Variants in GRM5 observed in about 807,000 individuals in gnomAD.
GRM5 encodes the protein metabotropic glutamate receptor 5.
In GRM5, 19 loss-of-function variants were observed where a neutral mutation model predicts 83.1. The observed-to-expected ratio is 0.23, with a 90% CI of 0.16 to 0.34. The LOEUF (loss-of-function observed/expected upper bound fraction) is 0.34. Among genes scored for constraint, GRM5 ranks in the 10% least tolerant of loss-of-function variants. GRM5 has a pLI of 1.00. For missense variants in GRM5, 1,160 were observed against 1,588.3 expected (o/e 0.73, Z 4.58); for synonymous variants, 675 against 633.6 (o/e 1.07, Z -0.98).
intron 8 of GRM5, among the ~76,000 whole-genome samples, chr11:88,527,704 C>T (rs189867210): frequency 1.9e-4 from 29 of 152,058 alleles, no homozygotes; most frequent in Middle Eastern, 3.4e-3. Flanking sequence ...TGCCCATCAA[C>T]GGTAAAATGG....
Position 88,604,808 on chromosome 11 carries a change from C to T in GRM5, c.1304G>A (p.Arg435Gln), listed in dbSNP as rs200410516. 1.4e-5 allele frequency: 22 copies of T among 1,613,274 alleles called. No homozygotes were observed. The highest frequency in any genetic ancestry group is 6.7e-5 in the East Asian group (3 of 44,864). Reference sequence around the variant, plus strand: ...TTTCATCAGGGACTCCAAAAGTTTCCGTCCATCAATTGGCTTCATGGCATC... The same window carrying T: ...TTTCATCAGGGACTCCAAAAGTTTCTGTCCATCAATTGGCTTCATGGCATC... Reference protein sequence around the residue: ...LCDAMKPIDGRKLLESLMKTN... With the variant: ...LCDAMKPIDGQKLLESLMKTN... The change falls in exon 5 of 10, where the codon CGG (arginine) becomes CAG (glutamine). Residue 435 changes from arginine to glutamine, a missense_variant. Physicochemically the swap from Arg to Gln is conservative, Grantham distance 43. Around this residue, in one of 9 missense-constraint regions of GRM5, gnomAD observed 132 missense variants for 197.6 expected, o/e 0.67. Coordinates refer to ENST00000305447, the MANE Select transcript of GRM5 (RefSeq NM_001143831.3).
chr11:88,931,661 G>A (rs538014648), intron 2 of GRM5, among the ~76,000 whole-genome samples: 2 of 152,184 alleles, frequency 1.3e-5, no homozygotes, highest in East Asian at 1.9e-4. Context: ...AGTTGTTATT[G>A]TTGTTGTTTT....
At chr11:88,984,160 G>C (rs1316422307) in intron 2 of GRM5, among the ~76,000 whole-genome samples, 1 of 152,094 alleles carries the variant, frequency 6.6e-6, no homozygotes, top group Admixed American at 6.6e-5. Flanking sequence ...GTCCACAGTA[G>C]TACAGAGTAA....
chr11:88,658,926 T>C (rs1473696956), intron 3 of GRM5, among the ~76,000 whole-genome samples: 1 of 152,084 alleles, frequency 6.6e-6, no homozygotes, highest in African/African-American at 2.4e-5. Context: ...GTGATGGCTT[T>C]TAAAGTGGGA....
At chr11:89,065,187 A>G (rs1942074928) in intron 1 of GRM5, among the ~76,000 whole-genome samples, 1 of 151,470 alleles carries the variant, frequency 6.6e-6, no homozygotes, top group African/African-American at 2.4e-5. Flanking sequence ...GTGAAGCACC[A>G]GCAACTGCCA....
chr11:89,028,653 C>T (rs1163568513), intron 2 of GRM5, among the ~76,000 whole-genome samples: 8 of 152,164 alleles, frequency 5.3e-5, no homozygotes, highest in Non-Finnish European at 8.8e-5. Flanking sequence ...CCATATATCA[C>T]ATGACGAAAG....
intron 3 of GRM5, among the ~76,000 whole-genome samples, chr11:88,790,406 A>G (rs562420232): frequency 6.6e-6 from 1 of 152,294 alleles, no homozygotes; most frequent in East Asian, 1.9e-4. Flanking sequence ...TTAATTTTTA[A>G]AAACTATGCA....
chr11:88,639,293 G>A lies in GRM5; in HGVS notation c.1147+13875C>T, dbSNP rs112049702. Among the ~76,000 whole-genome samples the A allele has an allele frequency of 7.3e-4, 111 of 152,224 alleles. 1 individual carries two copies. Among genetic ancestry groups the A allele is most frequent in the African/African-American group, 2.5e-3 (103 of 41,542 alleles). On this transcript the variant is annotated intron_variant, in intron 4 of 9. Transcript: ENST00000305447. ...ATCTCCAGCATTCTCTCTTCACGCA[G>A]TTCTCTCCTCTCTGATTCTGTGCTC...
intron 9 of GRM5, among the ~76,000 whole-genome samples, chr11:88,517,122 C>T (rs1941541338): frequency 8.9e-6 from 1 of 112,644 alleles, no homozygotes; most frequent in South Asian, 2.8e-4. Context: ...AATATATTGG[C>T]TTCTGTACAC....
At chr11:88,730,909 C>A (rs1251475751) in intron 3 of GRM5, among the ~76,000 whole-genome samples, 3 of 152,012 alleles carry the variant, frequency 2.0e-5, no homozygotes, top group South Asian at 2.1e-4. Context: ...AGGAGAAATA[C>A]CTAATGTAGA....
intron 3 of GRM5, among the ~76,000 whole-genome samples, chr11:88,812,407 C>A (rs1371464696): frequency 6.6e-6 from 1 of 152,100 alleles, no homozygotes; most frequent in Middle Eastern, 3.2e-3. Flanking sequence ...TTGTCTAACA[C>A]ATTTATCATA....
At chr11:89,049,015 G>A (rs2135153491) in intron 1 of GRM5, among the ~76,000 whole-genome samples, 1 of 152,272 alleles carries the variant, frequency 6.6e-6, no homozygotes, top group East Asian at 1.9e-4. Context: ...ACAACATCTT[G>A]TTGTTATTAA....
intron 6 of GRM5, among the ~76,000 whole-genome samples, chr11:88,596,494 T>C (rs951338496): frequency 6.6e-6 from 1 of 152,264 alleles, no homozygotes; most frequent in South Asian, 2.1e-4. Context: ...ATTTCAACTT[T>C]CTCTTTTATA....
chr11:88,600,809 C>T (rs1937966027), intron 5 of GRM5, among the ~76,000 whole-genome samples: 1 of 152,142 alleles, frequency 6.6e-6, no homozygotes, highest in Non-Finnish European at 1.5e-5. Context: ...TATGTGGGTC[C>T]TAAGGCTCTT....
At chr11:88,775,858 A>C (rs187105159) in intron 3 of GRM5, among the ~76,000 whole-genome samples, 39 of 152,230 alleles carry the variant, frequency 2.6e-4, no homozygotes, top group Non-Finnish European at 4.0e-4. Context: ...ATTTACTTCC[A>C]ATTATGTGGT....
At chr11:88,524,263 G>T (rs1591322489) in intron 9 of GRM5, among the ~76,000 whole-genome samples, 1 of 131,574 alleles carries the variant, frequency 7.6e-6, no homozygotes, top group African/African-American at 2.9e-5. Flanking sequence ...CGTTGCCCAG[G>T]TTGGAGTGCA....
At chr11:88,899,516 T>C (rs912331364) in intron 2 of GRM5, among the ~76,000 whole-genome samples, 10 of 151,976 alleles carry the variant, frequency 6.6e-5, no homozygotes, top group African/African-American at 2.4e-4. Flanking sequence ...TTAAAATATA[T>C]CCATGTTCTT....
chr11:88,969,338 A>T (rs1352664965), intron 2 of GRM5, among the ~76,000 whole-genome samples: 1 of 152,108 alleles, frequency 6.6e-6, no homozygotes, highest in Non-Finnish European at 1.5e-5. Context: ...CAGTATTTTT[A>T]TACCCCAAAC....
At chr11:88,533,342 T>G (rs1942059122) in intron 8 of GRM5, among the ~76,000 whole-genome samples, 1 of 152,158 alleles carries the variant, frequency 6.6e-6, no homozygotes, top group Non-Finnish European at 1.5e-5. Context: ...CTGCCTTTAA[T>G]GCTTTCATTA....
Sources: gnomAD v4.1 joint callset for allele counts (sites outside exome capture counted in the v4.1 genomes callset) on GRCh38, gnomAD v4.1.1 for gene constraint, gnomAD v4.1.1 regional missense constraint, MANE v1.5 for transcripts, NCBI Gene and HGNC (gene_info 2026-07-23, HGNC 2026-07-21) for gene names.